The following GNE variants were observed in gnomAD, a reference collection of about 807,000 sequenced individuals.
The protein encoded by GNE is glucosamine (UDP-N-acetyl)-2-epimerase/N-acetylmannosamine kinase.
Under a neutral mutation model 61.8 loss-of-function variants are expected in GNE, and 41 were observed. That is an observed-to-expected ratio of 0.66 (90% CI 0.52 to 0.86). The LOEUF is 0.86. Ranked by LOEUF, GNE falls within the 40% of genes least tolerant of loss-of-function variation. The pLI, the probability that GNE is intolerant of heterozygous loss-of-function variation, is 0.00. For synonymous variants in GNE, 264 were observed against 326.4 expected (o/e 0.81, Z 2.06); for missense variants, 608 against 909.1 (o/e 0.67, Z 4.26).
chr9:36,248,026 C>CA lies in GNE; in HGVS notation c.164+1165dup, dbSNP rs34605685. On this transcript the variant is annotated intron_variant, in intron 2 of 11. Coordinates refer to ENST00000642385, the MANE Select transcript of GNE (RefSeq NM_005476.7). ...GGGCAACAAGAGCAAAACTCCGTCT[C>CA]AAAAAAAAAAAAAAAAAAAAAAATC... 3.5e-3 allele frequency among the ~76,000 whole-genome samples: 284 copies of CA among 80,786 alleles called. 3 individuals carry two copies. The highest frequency in any genetic ancestry group is 8.6e-3 in the African/African-American group (182 of 21,068). The allele number at this position is 80,786 out of a possible 152,430, so 53.0% of individuals were successfully genotyped here.
chr9:36,237,113 T>C, intron 3 of GNE, 129 bp from the exon 4 acceptor site: 1 of 741,234 alleles, frequency 1.3e-6, no homozygotes, highest in Non-Finnish European at 2.3e-6. Flanking sequence ...GTTTGTCAAA[T>C]TGTGAACAGG....
intron 7 of GNE, among the ~76,000 whole-genome samples, chr9:36,224,271 C>A (rs1469210401): frequency 6.6e-6 from 1 of 151,632 alleles, no homozygotes; most frequent in Non-Finnish European, 1.5e-5. Flanking sequence ...GTGAGACCTC[C>A]TCTCTACAAA....
At chr9:36,241,049 T>C (rs1243736603) in intron 3 of GNE, among the ~76,000 whole-genome samples, 2 of 152,152 alleles carry the variant, frequency 1.3e-5, no homozygotes, top group East Asian at 3.8e-4. Context: ...CCTTCTTTTC[T>C]TGGTTAATCT....
chr9:36,247,983 G>A (rs59101795), intron 2 of GNE, among the ~76,000 whole-genome samples: 2,350 of 134,488 alleles, frequency 0.017, 62 homozygotes, highest in African/African-American at 0.063. Context: ...CCGAGATCAC[G>A]CCACTGCACT....
intron 9 of GNE, among the ~76,000 whole-genome samples, chr9:36,222,418 CAA>C (rs753437656): frequency 2.1e-4 from 25 of 117,266 alleles, no homozygotes; most frequent in Non-Finnish European, 2.4e-4. Context: ...GACTCCGTCT[CAA>C]AAAAAAAAAA....
At chr9:36,252,100 C>T (rs965390190) in intron 1 of GNE, among the ~76,000 whole-genome samples, 9 of 151,830 alleles carry the variant, frequency 5.9e-5, no homozygotes, top group Admixed American at 1.3e-4. Flanking sequence ...ATTCTCCTGC[C>T]TCAGCCTCCC....
At chr9:36,272,710 A>G (rs1440186249) in intron 1 of GNE, among the ~76,000 whole-genome samples, 1 of 151,218 alleles carries the variant, frequency 6.6e-6, no homozygotes, top group African/African-American at 2.4e-5. Context: ...GTTAGGAATA[A>G]TATTTCAGGA....
intron 5 of GNE, among the ~76,000 whole-genome samples, chr9:36,233,133 T>A (rs938826687): frequency 1.3e-5 from 2 of 152,240 alleles, no homozygotes; most frequent in African/African-American, 4.8e-5. Context: ...TAAATTCCAC[T>A]GCATGTAAAC....
At position 36,216,914 on chromosome 9, in the gene GNE, C is replaced by T. The variant is rs533869945; in HGVS notation, c.*451G>A. ...GTCTCGATCTCCTGACCTCGTGATC[C>T]GCCCGCCTCGGCCTCCCAAAGTGCT... On this transcript the variant is annotated 3_prime_UTR_variant, in exon 12 of 12. Coordinates refer to ENST00000642385, the MANE Select transcript of GNE (RefSeq NM_005476.7). The T allele has an allele frequency of 5.5e-4, 119 of 214,558 alleles. No homozygotes were observed. The highest frequency in any genetic ancestry group is 2.7e-3 in the African/African-American group (115 of 43,158). 13.3% of individuals were successfully genotyped at this position (214,558 alleles called of 1,614,324 possible).
chr9:36,217,717 T>C, intron 11 of GNE, 117 bp from the exon 12 acceptor site: 2 of 720,604 alleles, frequency 2.8e-6, no homozygotes, highest in East Asian at 2.7e-5. Context: ...CGGCATGCAG[T>C]GGGAGGCAGT....
chr9:36,229,453 A>G (rs753924353), intron 5 of GNE, among the ~76,000 whole-genome samples: 3 of 152,156 alleles, frequency 2.0e-5, no homozygotes, highest in Non-Finnish European at 4.4e-5. Flanking sequence ...CCTGCCTTCC[A>G]TCTACTCAGC....
intron 3 of GNE, among the ~76,000 whole-genome samples, chr9:36,240,805 T>A (rs1450979464): frequency 6.6e-6 from 1 of 152,178 alleles, no homozygotes; most frequent in Non-Finnish European, 1.5e-5. Flanking sequence ...TTGGTAATTT[T>A]TAAATTACCA....
chr9:36,239,014 T>C (rs534538121), intron 3 of GNE, among the ~76,000 whole-genome samples: 2 of 152,306 alleles, frequency 1.3e-5, no homozygotes, highest in Admixed American at 1.3e-4. Context: ...ATATTTTTGT[T>C]TGATTTGTCG....
intron 2 of GNE, 152 bp downstream of exon 2, chr9:36,249,040 C>A: frequency 1.5e-6 from 1 of 667,928 alleles, no homozygotes; most frequent in Non-Finnish European, 2.7e-6. Flanking sequence ...AATGAGGAAA[C>A]TGAGGCTCAG....
At chr9:36,240,537 T>A (rs1385867040) in intron 3 of GNE, among the ~76,000 whole-genome samples, 1 of 152,226 alleles carries the variant, frequency 6.6e-6, no homozygotes, top group African/African-American at 2.4e-5. Context: ...CTTTTTGATA[T>A]GTTGTTGGAT....
At chr9:36,241,076 GT>G (rs1342724548) in intron 3 of GNE, among the ~76,000 whole-genome samples, 1 of 150,210 alleles carries the variant, frequency 6.7e-6, no homozygotes, top group Non-Finnish European at 1.5e-5. Context: ...TGGTCTAACA[GT>G]TTTATTTATC....
intron 7 of GNE, among the ~76,000 whole-genome samples, chr9:36,225,616 C>G (rs916428510): frequency 6.6e-6 from 1 of 152,166 alleles, no homozygotes; most frequent in Non-Finnish European, 1.5e-5. Flanking sequence ...GCCTGGGCGA[C>G]AGAGCAAGAC....
intron 4 of GNE, among the ~76,000 whole-genome samples, chr9:36,235,060 G>A (rs1001241022): frequency 3.9e-5 from 6 of 152,082 alleles, no homozygotes; most frequent in African/African-American, 1.4e-4. Context: ...TGAAATATTT[G>A]TTATTCTGTA....
At position 36,216,339 on chromosome 9, in the gene GNE, G is replaced by GTGTGTGTGTGTGTGTGTA; in HGVS notation, c.*1025_*1026insTACACACACACACACACA. The GTGTGTGTGTGTGTGTGTA allele has an allele frequency of 2.4e-6, 1 of 420,092 alleles. No individual in the cohort carries two copies. Among genetic ancestry groups the GTGTGTGTGTGTGTGTGTA allele is most frequent in the Non-Finnish European group, 4.9e-6 (1 of 202,162 alleles). 26.0% of individuals were successfully genotyped at this position (420,092 alleles called of 1,614,324 possible). A position where few individuals can be genotyped will look rare whatever the true frequency, so the allele number is the denominator to read the frequency against. On this transcript the variant is annotated 3_prime_UTR_variant, in exon 12 of 12. Transcript: ENST00000642385. ...TAGAGGAGGAAGGATGTGTGTGTGT[G>GTGTGTGTGTGTGTGTGTA]TGTGTGTGTGTGTGTAGACGGAGTC... is the stretch of plus-strand genomic sequence containing the variant.
Sources: gnomAD v4.1 joint callset for allele counts (sites outside exome capture counted in the v4.1 genomes callset) on GRCh38, gnomAD v4.1.1 for gene constraint, MANE v1.5 for transcripts, NCBI Gene and HGNC (gene_info 2026-07-23, HGNC 2026-07-21) for gene names.